Variants in NLGN1 observed in about 807,000 individuals in gnomAD.
NLGN1 encodes neuroligin-1.
A neutral mutation model predicts 65.5 loss-of-function variants in NLGN1; 12 were observed. That is an observed-to-expected ratio of 0.18 (90% CI 0.12 to 0.30). The LOEUF is 0.30. Ranked by LOEUF, NLGN1 falls within the 10% of genes least tolerant of loss-of-function variation. NLGN1 has a pLI of 1.00. For missense variants in NLGN1, 750 were observed against 1,007.1 expected (o/e 0.74, Z 3.46); for synonymous variants, 350 against 359.5 (o/e 0.97, Z 0.30).
At chr3:174,213,200 A>G (rs1278024843) in intron 4 of NLGN1, among the ~76,000 whole-genome samples, 1 of 152,162 alleles carries the variant, frequency 6.6e-6, no homozygotes, top group Non-Finnish European at 1.5e-5. Context: ...CTTTCAAAAT[A>G]ACTATGGTTT....
chr3:173,460,969 C>G (rs1434607668), intron 2 of NLGN1, among the ~76,000 whole-genome samples: 1 of 152,068 alleles, frequency 6.6e-6, no homozygotes, highest in African/African-American at 2.4e-5. Flanking sequence ...GAGACTTAGT[C>G]TATTTCTGTG....
chr3:173,960,286 T>A (rs563983663), intron 4 of NLGN1, among the ~76,000 whole-genome samples: 2 of 151,962 alleles, frequency 1.3e-5, no homozygotes, highest in Non-Finnish European at 2.9e-5. Context: ...ATTTGTAGGG[T>A]TTTTTTGCTT....
chr3:173,919,513 C>G (rs541773192), intron 4 of NLGN1, among the ~76,000 whole-genome samples: 1 of 152,112 alleles, frequency 6.6e-6, no homozygotes, highest in Admixed American at 6.6e-5. Flanking sequence ...GAAGAGGAAA[C>G]AGGACTCCTA....
At chr3:173,579,923 G>T (rs1036879369) in intron 2 of NLGN1, among the ~76,000 whole-genome samples, 1 of 151,964 alleles carries the variant, frequency 6.6e-6, no homozygotes, top group Non-Finnish European at 1.5e-5. Context: ...TCTAGCTTCA[G>T]AATTTTTAAA....
chr3:173,544,070 T>C (rs1402285097), intron 2 of NLGN1, among the ~76,000 whole-genome samples: 1 of 152,106 alleles, frequency 6.6e-6, no homozygotes, highest in Non-Finnish European at 1.5e-5. Flanking sequence ...AGAAATGTGG[T>C]ATAATTGAGG....
chr3:173,722,036 G>T (rs74709391), intron 3 of NLGN1, among the ~76,000 whole-genome samples: 1,967 of 151,796 alleles, frequency 0.013, 36 homozygotes, highest in African/African-American at 0.043. Context: ...CTACAAAATT[G>T]TAAGTGCCTT....
chr3:173,988,943 C>CCAAT (rs1357490411), intron 4 of NLGN1, among the ~76,000 whole-genome samples: 1 of 152,072 alleles, frequency 6.6e-6, no homozygotes, highest in African/African-American at 2.4e-5. Context: ...TTTCTGTTGA[C>CCAAT]CAATCCACTT....
At chr3:173,406,047 A>C (rs979677656) in intron 1 of NLGN1, among the ~76,000 whole-genome samples, 1 of 152,132 alleles carries the variant, frequency 6.6e-6, no homozygotes, top group Admixed American at 6.5e-5. Context: ...GATTTATTGT[A>C]TCATATATAG....
At chr3:173,615,196 CTTTTATCAA>C (rs1229694494) in intron 3 of NLGN1, among the ~76,000 whole-genome samples, 3 of 151,962 alleles carry the variant, frequency 2.0e-5, no homozygotes, top group Non-Finnish European at 2.9e-5. Flanking sequence ...GCAAGTGGTG[CTTTTATCAA>C]TTAATTGATT....
chr3:173,629,569 T>C (rs1489228396), intron 3 of NLGN1, among the ~76,000 whole-genome samples: 1 of 152,168 alleles, frequency 6.6e-6, no homozygotes, highest in Non-Finnish European at 1.5e-5. Context: ...ATAAGTTATA[T>C]TTGAATGAAG....
chr3:173,783,121 A>G (rs1781432546), intron 3 of NLGN1, among the ~76,000 whole-genome samples: 1 of 152,132 alleles, frequency 6.6e-6, no homozygotes, highest in African/African-American at 2.4e-5. Flanking sequence ...TTACCATAGG[A>G]TTGGGGATGA....
chr3:173,539,639 T>C (rs1323876180), intron 2 of NLGN1, among the ~76,000 whole-genome samples: 4 of 102,404 alleles, frequency 3.9e-5, no homozygotes, highest in Non-Finnish European at 7.9e-5. Context: ...TATACACATA[T>C]ATACATATAT....
chr3:173,547,900 CCTT>C (rs1462133802), intron 2 of NLGN1, among the ~76,000 whole-genome samples: 3 of 151,900 alleles, frequency 2.0e-5, no homozygotes, highest in African/African-American at 7.3e-5. Flanking sequence ...CCAGATGTCT[CCTT>C]CTAATGGCTT....
chr3:173,669,467 C>G (rs1762166823), intron 3 of NLGN1, among the ~76,000 whole-genome samples: 1 of 152,168 alleles, frequency 6.6e-6, no homozygotes, highest in South Asian at 2.1e-4. Context: ...CAGCAAAACT[C>G]TAATCCTCAC....
rs34404987 is a variant in NLGN1 at position 173,420,065 on chromosome 3, C to CTT, written c.-389-14936_-389-14935dup. 3.7e-3 allele frequency among the ~76,000 whole-genome samples: 538 copies of CTT among 146,724 alleles called. 1 individual carries two copies. Among genetic ancestry groups the CTT allele is most frequent in the African/African-American group, 0.012 (491 of 39,288 alleles). Reference sequence around the variant, plus strand: ...TCCATTTGCTTGATAGATCTTTTTTCTTTTTTTTTTCATTATTATTATTAT... The same window carrying CTT: ...TCCATTTGCTTGATAGATCTTTTTTCTTTTTTTTTTTTCATTATTATTATTAT... On this transcript the variant is annotated intron_variant, in intron 1 of 6. Transcript: ENST00000457714.
At chr3:173,771,510 T>C (rs1779565206) in intron 3 of NLGN1, among the ~76,000 whole-genome samples, 1 of 152,166 alleles carries the variant, frequency 6.6e-6, no homozygotes, top group Non-Finnish European at 1.5e-5. Context: ...TTATTTTTAA[T>C]TGAGGGGCAA....
intron 4 of NLGN1, among the ~76,000 whole-genome samples, chr3:173,958,018 A>G (rs1712542248): frequency 6.6e-6 from 1 of 152,144 alleles, no homozygotes; most frequent in South Asian, 2.1e-4. Flanking sequence ...TGGACCAGAT[A>G]TACTGCAAGC....
At chr3:173,661,153 G>T (rs1760872389) in intron 3 of NLGN1, among the ~76,000 whole-genome samples, 1 of 151,988 alleles carries the variant, frequency 6.6e-6, no homozygotes, top group Non-Finnish European at 1.5e-5. Flanking sequence ...ATATGTAGAT[G>T]GATAGGATCA....
chr3:173,948,545 A>C (rs1433205645), intron 4 of NLGN1, among the ~76,000 whole-genome samples: 1 of 152,216 alleles, frequency 6.6e-6, no homozygotes, highest in Non-Finnish European at 1.5e-5. Flanking sequence ...ATGGACAGGG[A>C]TAGAAGTTTT....
Sources: allele counts gnomAD v4.1 joint callset (sites outside exome capture counted in the v4.1 genomes callset), GRCh38; gene constraint gnomAD v4.1.1; transcripts MANE v1.5; gene names NCBI Gene and HGNC (gene_info 2026-07-23, HGNC 2026-07-21).